Variants in CFAP299 observed in about 807,000 individuals in gnomAD.
The protein encoded by CFAP299 is cilia- and flagella-associated protein 299.
A neutral mutation model predicts 27.0 loss-of-function variants in CFAP299; 21 were observed. The ratio of observed to expected loss-of-function variants is 0.78; its 90% confidence interval spans 0.55 to 1.12. The LOEUF (loss-of-function observed/expected upper bound fraction) is 1.12, where lower values mean the gene tolerates loss of function less well. CFAP299 is among the 50% of genes most tolerant of loss of function. CFAP299 has a pLI of 0.00. For missense variants in CFAP299, 310 were observed against 276.6 expected (o/e 1.12, Z -0.86); for synonymous variants, 104 against 98.1 (o/e 1.06, Z -0.36).
At chr4:80,710,372 G>A (rs1488008360) in intron 3 of CFAP299, among the ~76,000 whole-genome samples, 4 of 151,780 alleles carry the variant, frequency 2.6e-5, no homozygotes, top group Admixed American at 1.3e-4. Flanking sequence ...AAAGAAGAAA[G>A]CTCAAATAAA....
intron 2 of CFAP299, among the ~76,000 whole-genome samples, chr4:80,508,652 A>G (rs1336230199): frequency 1.3e-5 from 2 of 152,080 alleles, no homozygotes; most frequent in African/African-American, 2.4e-5. Flanking sequence ...TTGACCTTCC[A>G]GGCTTAAGTG....
chr4:80,905,764 C>T (rs979099847), intron 4 of CFAP299, among the ~76,000 whole-genome samples: 20 of 152,104 alleles, frequency 1.3e-4, no homozygotes, highest in African/African-American at 2.9e-4. Context: ...CGTGAGAACT[C>T]GTTATCACAA....
At chr4:80,914,630 G>A (rs190411992) in intron 4 of CFAP299, among the ~76,000 whole-genome samples, 84 of 152,234 alleles carry the variant, frequency 5.5e-4, no homozygotes, top group Non-Finnish European at 3.8e-4. Flanking sequence ...CTCTAATGAT[G>A]AATGACAGTG....
chr4:80,412,202 C>T (rs568467850), intron 2 of CFAP299, among the ~76,000 whole-genome samples: 79 of 151,872 alleles, frequency 5.2e-4, no homozygotes, highest in African/African-American at 1.6e-3. Context: ...CAAACTTTCA[C>T]GGTCATCATT....
rs904246623 is a variant in CFAP299 at position 80,788,169 on chromosome 4, A to G, written c.334-81824A>G. On this transcript the variant is annotated intron_variant, in intron 3 of 5. Coordinates refer to ENST00000358105, the MANE Select transcript of CFAP299 (RefSeq NM_152770.3). ...ATTACATTTTAATTAAATGTAGAAA[A>G]TAGGACTATATAGACTTTCCCCAAC... 9.2e-5 allele frequency among the ~76,000 whole-genome samples: 14 copies of G among 152,154 alleles called. No homozygotes were observed. The East Asian group carries it at 1.7e-3, about 19-fold the overall frequency.
intron 2 of CFAP299, among the ~76,000 whole-genome samples, chr4:80,378,039 C>T (rs969217828): frequency 6.6e-6 from 1 of 152,124 alleles, no homozygotes; most frequent in Non-Finnish European, 1.5e-5. Context: ...GATTCAATTA[C>T]GTCCCCTGGG....
intron 2 of CFAP299, among the ~76,000 whole-genome samples, chr4:80,541,808 G>C (rs941260726): frequency 6.6e-6 from 1 of 151,976 alleles, no homozygotes; most frequent in Non-Finnish European, 1.5e-5. Flanking sequence ...AAAAAGAAAA[G>C]GATCCAATGA....
chr4:80,792,161 A>C (rs1016847761), intron 3 of CFAP299, among the ~76,000 whole-genome samples: 5 of 152,098 alleles, frequency 3.3e-5, no homozygotes, highest in African/African-American at 1.2e-4. Context: ...AAGTTAAAAT[A>C]AAATGTAATT....
intron 4 of CFAP299, among the ~76,000 whole-genome samples, chr4:80,924,538 GTATATATATATA>G (rs1553906748): frequency 2.3e-5 from 3 of 131,670 alleles, no homozygotes; most frequent in South Asian, 2.3e-4. Context: ...GTGTGTGTGT[GTATATATATATA>G]TATATATATA....
At chr4:80,890,332 C>G (rs1253859414) in intron 4 of CFAP299, among the ~76,000 whole-genome samples, 1 of 152,036 alleles carries the variant, frequency 6.6e-6, no homozygotes, top group Non-Finnish European at 1.5e-5. Context: ...TATATACCAA[C>G]AGTGAACAAT....
intron 3 of CFAP299, among the ~76,000 whole-genome samples, chr4:80,727,844 A>G (rs1308755798): frequency 3.3e-5 from 5 of 151,890 alleles, no homozygotes; most frequent in Admixed American, 2.0e-4. Flanking sequence ...AGTCTAGAGA[A>G]CAAATATGAA....
At chr4:80,932,843 C>G (rs1257481468) in intron 4 of CFAP299, among the ~76,000 whole-genome samples, 2 of 152,080 alleles carry the variant, frequency 1.3e-5, no homozygotes, top group Non-Finnish European at 2.9e-5. Flanking sequence ...TTATTAGTAG[C>G]AGGCCCTGTC....
intron 2 of CFAP299, among the ~76,000 whole-genome samples, chr4:80,366,797 TA>T (rs1266433790): frequency 6.6e-6 from 1 of 152,174 alleles, no homozygotes; most frequent in Non-Finnish European, 1.5e-5. Flanking sequence ...AGTTAAAAGG[TA>T]GAAATTGTCC....
chr4:80,407,744 G>C (rs114870264), intron 2 of CFAP299, among the ~76,000 whole-genome samples: 191 of 152,184 alleles, frequency 1.3e-3, no homozygotes, highest in African/African-American at 4.4e-3. Context: ...AAAAATAATT[G>C]GGGCCATTTT....
intron 4 of CFAP299, among the ~76,000 whole-genome samples, chr4:80,944,237 G>A (rs1446730082): frequency 6.6e-6 from 1 of 152,060 alleles, no homozygotes; most frequent in East Asian, 1.9e-4. Flanking sequence ...TGACCTCCCC[G>A]AGTCGTTTTG....
chr4:80,562,968 A>G (rs1735114210), intron 2 of CFAP299, among the ~76,000 whole-genome samples: 1 of 152,104 alleles, frequency 6.6e-6, no homozygotes. Flanking sequence ...CTGTATAATG[A>G]TAAAGAGGTC....
At chr4:80,938,020 C>T (rs1736999678) in intron 4 of CFAP299, among the ~76,000 whole-genome samples, 1 of 152,178 alleles carries the variant, frequency 6.6e-6, no homozygotes, top group South Asian at 2.1e-4. Context: ...ACTTTTACTT[C>T]TCCCTCTATT....
At chr4:80,948,541 CT>C (rs1046071884) in intron 5 of CFAP299, among the ~76,000 whole-genome samples, 2 of 151,122 alleles carry the variant, frequency 1.3e-5, no homozygotes, top group African/African-American at 2.4e-5. Context: ...TTTAAATACA[CT>C]TTTTTTTTAC....
chr4:80,349,669 GA>G (rs1560524586), intron 1 of CFAP299, among the ~76,000 whole-genome samples: 2 of 151,926 alleles, frequency 1.3e-5, no homozygotes, highest in African/African-American at 2.4e-5. Context: ...AATGTAAAAA[GA>G]AAAAAAGATT....
Sources: allele counts gnomAD v4.1 joint callset (sites outside exome capture counted in the v4.1 genomes callset), GRCh38; gene constraint gnomAD v4.1.1; transcripts MANE v1.5; gene names NCBI Gene and HGNC (gene_info 2026-07-23, HGNC 2026-07-21).